DMD: variants seen among roughly 807,000 people sequenced by gnomAD.
The protein encoded by DMD is dystrophin, also known as mutant dystrophin.
Under a neutral mutation model 330.1 loss-of-function variants are expected in DMD, and 63 were observed. That is an observed-to-expected ratio of 0.19 (90% CI 0.16 to 0.24). The LOEUF (loss-of-function observed/expected upper bound fraction) is 0.24, where lower values mean the gene tolerates loss of function less well. DMD is among the 10% of genes least tolerant of loss of function. The pLI is 1.00. For missense variants in DMD, 3,344 were observed against 2,684.1 expected (o/e 1.25, Z -5.43); for synonymous variants, 1,223 against 959.8 (o/e 1.27, Z -5.07).
At chrX:32,400,858 G>A (rs1446287789) in intron 30 of DMD, among the ~76,000 whole-genome samples, 8 of 108,916 alleles carry the variant, frequency 7.3e-5, no homozygotes, top group African/African-American at 2.4e-4. Context: ...TATAAATCAT[G>A]CTGCTATAAA....
intron 54 of DMD, among the ~76,000 whole-genome samples, chrX:31,654,320 A>G (rs1402150072): frequency 8.9e-6 from 1 of 112,081 alleles, no homozygotes; most frequent in Non-Finnish European, 1.9e-5. Context: ...AGTGTTTCAT[A>G]GTAAAATGGT....
At chrX:33,261,253 T>C (rs769380862) in intron 1 of DMD, among the ~76,000 whole-genome samples, 2 of 110,985 alleles carry the variant, frequency 1.8e-5, no homozygotes, top group African/African-American at 3.3e-5. Flanking sequence ...TCAGTTAAGA[T>C]GGCATGGAAA....
intron 42 of DMD, among the ~76,000 whole-genome samples, chrX:32,298,249 T>C (rs2097505753): frequency 9.0e-6 from 1 of 110,938 alleles, no homozygotes; most frequent in Non-Finnish European, 1.9e-5. Flanking sequence ...CTGGAGATGA[T>C]GGTGCTTTGG....
chrX:32,745,140 A>T (rs2069816354), intron 7 of DMD, among the ~76,000 whole-genome samples: 1 of 111,422 alleles, frequency 9.0e-6, no homozygotes, highest in African/African-American at 3.3e-5. Flanking sequence ...GCAAGAAAAA[A>T]GTAATTGGCA....
At chrX:31,431,900 C>T (rs61182719) in intron 60 of DMD, among the ~76,000 whole-genome samples, 10,720 of 109,658 alleles carry the variant, frequency 0.098, 479 homozygotes, top group East Asian at 0.32. Flanking sequence ...CTGCAACCTC[C>T]ACCTCCCGGG....
intron 30 of DMD, among the ~76,000 whole-genome samples, chrX:32,399,993 T>C (rs949032560): frequency 7.2e-5 from 8 of 111,445 alleles, no homozygotes; most frequent in African/African-American, 2.6e-4. Flanking sequence ...TCCAACACTA[T>C]GTTGAATAGG....
At chrX:31,149,682 A>AT (rs752985752) in intron 74 of DMD, among the ~76,000 whole-genome samples, 3 of 110,698 alleles carry the variant, frequency 2.7e-5, no homozygotes, top group Admixed American at 9.6e-5. Flanking sequence ...TAAGTCATTG[A>AT]TTTTTTATTT....
intron 9 of DMD, among the ~76,000 whole-genome samples, chrX:32,658,198 T>G (rs2060710709): frequency 9.0e-6 from 1 of 111,415 alleles, no homozygotes; most frequent in Non-Finnish European, 1.9e-5. Context: ...TTCTTAGCTA[T>G]GTACTCATTT....
chrX:32,395,343 G>A (rs1242115839), intron 30 of DMD, among the ~76,000 whole-genome samples: 1 of 110,092 alleles, frequency 9.1e-6, no homozygotes, highest in East Asian at 2.9e-4. Flanking sequence ...GAGGCAGACT[G>A]TAGATATATA....
chrX:31,194,940 C>G (rs747748256), intron 67 of DMD, among the ~76,000 whole-genome samples: 10 of 111,809 alleles, frequency 8.9e-5, no homozygotes, highest in Non-Finnish European at 1.5e-4. Context: ...CCTAGATGTG[C>G]TTTTCCTAGA....
chrX:31,208,157 G>A (rs1008420859), intron 65 of DMD, among the ~76,000 whole-genome samples: 2 of 111,528 alleles, frequency 1.8e-5, no homozygotes, highest in Admixed American at 9.5e-5. Flanking sequence ...AGGTCCCAAT[G>A]GCGGTTATTT....
chrX:31,786,731 G>A (rs928216567), intron 50 of DMD, among the ~76,000 whole-genome samples: 1 of 111,649 alleles, frequency 9.0e-6, no homozygotes, highest in Admixed American at 9.5e-5. Flanking sequence ...CCTGGTGCCT[G>A]CTCTTGGCTA....
rs1241802982 is a variant in DMD, at chrX:32,253,750, A to G, written c.6290+33779T>C. On this transcript the variant is annotated intron_variant, in intron 43 of 78. Transcript: ENST00000357033. Reference sequence around the variant, plus strand: ...GAGATTCTTCTGCCTCAGCCTCCCAAGTAGCTGGGACTATAGGCGTGCACC... The same window carrying G: ...GAGATTCTTCTGCCTCAGCCTCCCAGGTAGCTGGGACTATAGGCGTGCACC... 3.7e-5 allele frequency among the ~76,000 whole-genome samples: 4 copies of G among 107,608 alleles called. No individual in the cohort carries two copies. The Admixed American group carries it at 4.0e-4, about 11-fold the overall frequency. 93.4% of individuals were successfully genotyped at this position (107,608 alleles called of 115,157 possible). A position where few individuals can be genotyped will look rare whatever the true frequency, so the allele number is the denominator to read the frequency against.
intron 2 of DMD, among the ~76,000 whole-genome samples, chrX:32,932,387 G>T (rs1237933382): frequency 9.0e-6 from 1 of 111,725 alleles, no homozygotes; most frequent in Non-Finnish European, 1.9e-5. Context: ...TATAGTTTCC[G>T]TACTCCCCTA....
chrX:31,212,422 T>C (rs2044824738), intron 64 of DMD, among the ~76,000 whole-genome samples: 1 of 109,414 alleles, frequency 9.1e-6, no homozygotes, highest in South Asian at 4.0e-4. Flanking sequence ...CAGGATCCTC[T>C]TTGCTGTGCA....
chrX:33,066,806 CAG>C (rs1290226361), intron 1 of DMD, among the ~76,000 whole-genome samples: 3 of 111,825 alleles, frequency 2.7e-5, no homozygotes, highest in African/African-American at 6.5e-5. Flanking sequence ...ACGATTATGT[CAG>C]AGTTATGCTT....
intron 7 of DMD, among the ~76,000 whole-genome samples, chrX:32,805,589 C>T (rs1659529660): frequency 9.0e-6 from 1 of 111,061 alleles, no homozygotes; most frequent in South Asian, 3.8e-4. Flanking sequence ...CAGAGAACAT[C>T]CACAAAAATA....
chrX:31,423,697 G>C (rs763231569), intron 60 of DMD, among the ~76,000 whole-genome samples: 70 of 111,344 alleles, frequency 6.3e-4, no homozygotes, highest in African/African-American at 2.3e-3. Flanking sequence ...ATTATCTTTA[G>C]TGGAGACAGC....
chrX:33,322,872 T>C (rs945696210), intron 1 of DMD, among the ~76,000 whole-genome samples: 2 of 111,818 alleles, frequency 1.8e-5, no homozygotes, highest in Non-Finnish European at 3.8e-5. Flanking sequence ...AAAATGAGGC[T>C]TGGTGATGAG....
Sources: allele counts gnomAD v4.1 joint callset (sites outside exome capture counted in the v4.1 genomes callset), GRCh38; gene constraint gnomAD v4.1.1; transcripts MANE v1.5; gene names NCBI Gene and HGNC (gene_info 2026-07-23, HGNC 2026-07-21).